Variants in CFAP91 observed in about 807,000 individuals in gnomAD.
CFAP91 encodes the protein cilia and flagella associated protein 91.
Under a neutral mutation model 95.9 loss-of-function variants are expected in CFAP91, and 85 were observed. That is an observed-to-expected ratio of 0.89 (90% CI 0.74 to 1.06). The LOEUF (loss-of-function observed/expected upper bound fraction) is 1.06. CFAP91 is among the 50% of genes least tolerant of loss of function. The pLI, the probability that CFAP91 is intolerant of heterozygous loss-of-function variation, is 0.00. For missense variants in CFAP91, 962 were observed against 943.4 expected (o/e 1.02, Z -0.26); for synonymous variants, 335 against 327.5 (o/e 1.02, Z -0.25).
chr3:119,705,159 G>C (rs1229737340), intron 1 of CFAP91, among the ~76,000 whole-genome samples: 1 of 151,828 alleles, frequency 6.6e-6, no homozygotes, highest in Admixed American at 6.6e-5. Context: ...AGGGTGGCGT[G>C]CTTCTTGACT....
Position 119,726,351 on chromosome 3 carries a change from A to G in CFAP91, c.860+3A>G, listed in dbSNP as rs750028781. 1.2e-6 allele frequency: 2 copies of G among 1,608,104 alleles called. 1 individual carries two copies. Among genetic ancestry groups the G allele is most frequent in the East Asian group, 4.5e-5 (2 of 44,790 alleles). Reference sequence around the variant, plus strand: ...TTCAGAGAGCAGGAGATTGAAAAGTAGGTTCTCTATCACCCAGACAACTGT... The same window carrying G: ...TTCAGAGAGCAGGAGATTGAAAAGTGGGTTCTCTATCACCCAGACAACTGT... On this transcript the variant is annotated splice_donor_region_variant and intron_variant, in intron 7 of 17. Transcript: ENST00000273390.
intron 17 of CFAP91, among the ~76,000 whole-genome samples, chr3:119,757,479 A>G (rs1577248984): frequency 6.6e-6 from 1 of 151,902 alleles, no homozygotes; most frequent in Non-Finnish European, 1.5e-5. Context: ...CCGTGTCTCT[A>G]CCAAAAATTA....
chr3:119,753,217 G>T (rs1441654448), intron 17 of CFAP91, among the ~76,000 whole-genome samples: 1 of 152,082 alleles, frequency 6.6e-6, no homozygotes, highest in South Asian at 2.1e-4. Flanking sequence ...TGGCTGAAAG[G>T]CTGAGGAGTA....
At chr3:119,716,493 T>A (rs1425946788) in intron 6 of CFAP91, among the ~76,000 whole-genome samples, 14 of 152,246 alleles carry the variant, frequency 9.2e-5, no homozygotes, top group Admixed American at 9.2e-4. Flanking sequence ...TGTGATCAAG[T>A]CTGCGTCCCA....
intron 5 of CFAP91, among the ~76,000 whole-genome samples, chr3:119,714,620 T>G (rs1218894844): frequency 6.6e-6 from 1 of 152,204 alleles, no homozygotes; most frequent in Non-Finnish European, 1.5e-5. Flanking sequence ...TGTTAGAAGT[T>G]TTACTTTTTG....
intron 2 of CFAP91, 186 bp downstream of exon 2, chr3:119,707,071 A>G (rs1389154316): frequency 1.7e-6 from 1 of 580,722 alleles, no homozygotes; most frequent in African/African-American, 1.9e-5. Flanking sequence ...GGATTAAGTC[A>G]CCAATAATGA....
chr3:119,748,189 AT>A (rs2054260618), intron 16 of CFAP91, among the ~76,000 whole-genome samples: 1 of 152,112 alleles, frequency 6.6e-6, no homozygotes, highest in Non-Finnish European at 1.5e-5. Flanking sequence ...TTTTTTATTT[AT>A]TTTTTTAAAA....
At position 119,751,000 on chromosome 3, in the gene CFAP91, G is replaced by T. The variant is rs776934715; in HGVS notation, c.2207G>T (p.Ser736Ile). ...AHQIIHSYTE[S>I]MVQKKLTEGE... ...CAGATCATCCACAGTTACACGGAAA[G>T]CATGGTTCAAAAGAAATTAACTGAG... The change falls in exon 17 of 18, where the codon AGC becomes ATC. Residue 736 changes from serine to isoleucine, a missense_variant. Physicochemically the swap from Ser to Ile is moderately radical, Grantham distance 142. Transcript: ENST00000273390. The T allele has an allele frequency of 2.4e-5, 38 of 1,613,854 alleles. No homozygotes were observed. In the East Asian group the frequency reaches 4.7e-4, roughly 20 times the overall value.
chr3:119,712,659 C>T (rs1476271088), intron 5 of CFAP91, among the ~76,000 whole-genome samples: 2 of 152,062 alleles, frequency 1.3e-5, no homozygotes, highest in Non-Finnish European at 2.9e-5. Flanking sequence ...TACAGTTCAG[C>T]ATTACAAACT....
chr3:119,707,760 A>C (rs1490664997), intron 3 of CFAP91, among the ~76,000 whole-genome samples, 199 bp downstream of exon 3: 4 of 121,102 alleles, frequency 3.3e-5, no homozygotes, highest in African/African-American at 1.2e-4. Flanking sequence ...ATTTTGTCAT[A>C]TATATAATGA....
Position 119,740,538 on chromosome 3 carries a change from A to G in CFAP91, c.1534-11A>G. 1 of 1,563,246 alleles carries G rather than the reference A, an allele frequency of 6.4e-7. No individual in the cohort carries two copies. The highest frequency in any genetic ancestry group is 8.7e-7 in the Non-Finnish European group (1 of 1,149,826). ...AACTTGCAGGTCTGTCTTTGATTTG[A>G]TTTGATACAGATGTTTGAAGGGAAA... On this transcript the variant is annotated splice_polypyrimidine_tract_variant and intron_variant, in intron 12 of 17. Coordinates refer to ENST00000273390, the MANE Select transcript of CFAP91 (RefSeq NM_033364.4).
chr3:119,731,704 A>G (rs1275317783), intron 8 of CFAP91, among the ~76,000 whole-genome samples: 2 of 152,176 alleles, frequency 1.3e-5, no homozygotes, highest in Admixed American at 1.3e-4. Flanking sequence ...CAGAGCCGCC[A>G]AAAGGTCTTG....
intron 5 of CFAP91, among the ~76,000 whole-genome samples, chr3:119,713,903 A>T (rs1358758582): frequency 6.6e-6 from 1 of 152,074 alleles, no homozygotes; most frequent in Non-Finnish European, 1.5e-5. Context: ...ATAGCTGCAT[A>T]AATTCCATTA....
intron 5 of CFAP91, among the ~76,000 whole-genome samples, chr3:119,712,690 C>G (rs532233077): frequency 6.6e-6 from 1 of 152,136 alleles, no homozygotes; most frequent in Non-Finnish European, 1.5e-5. Context: ...TGCGGTGGCT[C>G]AGACCTGTAA....
intron 12 of CFAP91, 189 bp downstream of exon 12, chr3:119,739,515 G>A: frequency 1.8e-6 from 1 of 552,296 alleles, no homozygotes; most frequent in South Asian, 2.6e-5. Flanking sequence ...TGTCCAGGTG[G>A]GTGGCACAGT....
chr3:119,722,852 A>C (rs1451192151), intron 6 of CFAP91, among the ~76,000 whole-genome samples: 5 of 152,132 alleles, frequency 3.3e-5, no homozygotes, highest in Admixed American at 2.6e-4. Context: ...CACTTAATAA[A>C]AATGTACAAG....
rs150503407 is a variant in CFAP91 at position 119,751,149 on chromosome 3, G to A, written c.*1+51G>A. On this transcript the variant is annotated intron_variant, in intron 17 of 17. Transcript: ENST00000273390. Reference sequence around the variant, plus strand: ...AAAAGCAGAGAAAGGAAGAAAAGCGGCATTGTTCAGCTTTGTGCTGTGCTC... The same window carrying A: ...AAAAGCAGAGAAAGGAAGAAAAGCGACATTGTTCAGCTTTGTGCTGTGCTC... The A allele has an allele frequency of 1.1e-3, 1,715 of 1,545,922 alleles. 2 individuals are homozygous for A. Among genetic ancestry groups the A allele is most frequent in the Non-Finnish European group, 1.3e-3 (1,509 of 1,146,994 alleles).
intron 10 of CFAP91, among the ~76,000 whole-genome samples, chr3:119,736,268 G>GTTTTTTTTCTTTTTT (rs1553709194): frequency 4.7e-5 from 4 of 85,322 alleles, no homozygotes; most frequent in African/African-American, 1.5e-4. Context: ...TCTTTCTATT[G>GTTTTTTTTCTTTTTT]TTTTTTTTTT....
intron 6 of CFAP91, among the ~76,000 whole-genome samples, chr3:119,724,005 C>CAA (rs58003603): frequency 2.7e-5 from 4 of 149,616 alleles, no homozygotes; most frequent in African/African-American, 9.8e-5. Flanking sequence ...ACTAAAAATA[C>CAA]AAAAAAAAAT....
Sources: gnomAD v4.1 joint callset for allele counts (sites outside exome capture counted in the v4.1 genomes callset) on GRCh38, gnomAD v4.1.1 for gene constraint, MANE v1.5 for transcripts, NCBI Gene and HGNC (gene_info 2026-07-23, HGNC 2026-07-21) for gene names.